SLC20A2: variants seen among roughly 807,000 people sequenced by gnomAD.
The protein encoded by SLC20A2 is solute carrier family 20 member 2.
SLC20A2 carries 30 observed loss-of-function variants against 61.0 expected under a neutral mutation model. The ratio of observed to expected loss-of-function variants is 0.49; its 90% CI spans 0.37 to 0.67. SLC20A2 has a LOEUF of 0.67. Ranked by LOEUF, SLC20A2 falls within the 30% of genes least tolerant of loss-of-function variation. SLC20A2 has a pLI of 0.00. For missense variants in SLC20A2, 626 were observed against 866.4 expected (o/e 0.72, Z 3.48); for synonymous variants, 351 against 353.3 (o/e 0.99, Z 0.07).
At chr8:42,504,871 A>AAAAG (rs1810556870), upstream of SLC20A2, among the ~76,000 whole-genome samples, 1 of 144,366 alleles carries the variant, frequency 6.9e-6, no homozygotes, top group Non-Finnish European at 1.5e-5. Context: ...AAAAAAAAAA[A>AAAAG]AAAAAAAAAA....
intron 10 of SLC20A2, among the ~76,000 whole-genome samples, chr8:42,426,723 CAAAA>C (rs1312074066): frequency 6.6e-6 from 1 of 151,276 alleles, no homozygotes; most frequent in Non-Finnish European, 1.5e-5. Context: ...CAAAACAAAA[CAAAA>C]AAAAGCTATT....
chr8:42,488,580 T>G (rs1809239425), intron 1 of SLC20A2, among the ~76,000 whole-genome samples: 1 of 152,244 alleles, frequency 6.6e-6, no homozygotes, highest in African/African-American at 2.4e-5. Flanking sequence ...AATTGCTGGA[T>G]GTGGTCATTC....
chr8:42,529,821 G>C (rs896370871), intron 1 of SLC20A2, among the ~76,000 whole-genome samples: 2 of 151,960 alleles, frequency 1.3e-5, no homozygotes, highest in African/African-American at 4.8e-5. Flanking sequence ...CCTGTCTATG[G>C]GAATGCAGTT....
chr8:42,533,969 T>TC (rs1812543413), intron 1 of SLC20A2, among the ~76,000 whole-genome samples: 1 of 107,828 alleles, frequency 9.3e-6, no homozygotes, highest in Non-Finnish European at 1.9e-5. Flanking sequence ...CTCCCTCTCT[T>TC]TGTGCTTACT....
intron 1 of SLC20A2, among the ~76,000 whole-genome samples, chr8:42,479,252 ATGGGGAACCACAGAC>A (rs1808384612): frequency 6.6e-6 from 1 of 152,336 alleles, no homozygotes; most frequent in South Asian, 2.1e-4. Context: ...AATCATTCCC[ATGGGGAACCACAGAC>A]TGAACATCCT....
At chr8:42,491,684 T>G (rs940977527) in intron 1 of SLC20A2, among the ~76,000 whole-genome samples, 1 of 151,050 alleles carries the variant, frequency 6.6e-6, no homozygotes, top group African/African-American at 2.4e-5. Flanking sequence ...AAAAAAAAAG[T>G]CACTCTATTT....
At chr8:42,516,111 C>T (rs548309385) in intron 1 of SLC20A2, among the ~76,000 whole-genome samples, 3 of 152,286 alleles carry the variant, frequency 2.0e-5, no homozygotes, top group African/African-American at 7.2e-5. Flanking sequence ...TGATTCTTCT[C>T]CTCTCTAAAG....
At chr8:42,447,373 T>TA (rs969806255) in intron 5 of SLC20A2, among the ~76,000 whole-genome samples, 3 of 148,858 alleles carry the variant, frequency 2.0e-5, no homozygotes, top group East Asian at 2.0e-4. Context: ...TAACATACTA[T>TA]AAAAAAAATT....
intron 1 of SLC20A2, among the ~76,000 whole-genome samples, chr8:42,538,623 G>A (rs1481850828): frequency 6.6e-6 from 1 of 152,144 alleles, no homozygotes; most frequent in African/African-American, 2.4e-5. Flanking sequence ...TCTGTTCTAG[G>A]CCCCAGAAAA....
At chr8:42,478,724 GT>G (rs1309657539) in intron 1 of SLC20A2, among the ~76,000 whole-genome samples, 1 of 152,046 alleles carries the variant, frequency 6.6e-6, no homozygotes, top group Non-Finnish European at 1.5e-5. Flanking sequence ...TATTTATTGA[GT>G]TATATACAGT....
At chr8:42,462,930 T>C in intron 4 of SLC20A2, 75 bp downstream of exon 4, 1 of 799,614 alleles carries the variant, frequency 1.3e-6, no homozygotes, top group Non-Finnish European at 2.0e-6. Context: ...CTCTAACCCC[T>C]CTCATTATTA....
intron 1 of SLC20A2, among the ~76,000 whole-genome samples, chr8:42,492,496 G>A (rs1809596811): frequency 1.3e-5 from 2 of 152,124 alleles, no homozygotes; most frequent in East Asian, 1.9e-4. Flanking sequence ...AAGAAAGGAA[G>A]GCGAGCATAA....
intron 1 of SLC20A2, chr8:42,484,846 G>T: frequency 2.9e-6 from 1 of 340,130 alleles, no homozygotes. Flanking sequence ...AGCCAGCTGG[G>T]TGTTCTGCTT....
chr8:42,487,003 A>C (rs1323959868), intron 1 of SLC20A2, among the ~76,000 whole-genome samples: 1 of 151,718 alleles, frequency 6.6e-6, no homozygotes, highest in Non-Finnish European at 1.5e-5. Context: ...GGTAGCTGGG[A>C]TTACAGACAT....
chr8:42,507,495 A>T (rs1284051066), intron 1 of SLC20A2, among the ~76,000 whole-genome samples: 2 of 152,258 alleles, frequency 1.3e-5, no homozygotes, highest in Non-Finnish European at 2.9e-5. Context: ...TAAAGGCAGC[A>T]TTATGACTGC....
intron 5 of SLC20A2, among the ~76,000 whole-genome samples, chr8:42,445,569 T>C (rs928529326): frequency 6.6e-6 from 1 of 151,584 alleles, no homozygotes; most frequent in Non-Finnish European, 1.5e-5. Flanking sequence ...CTACTAAAAA[T>C]ACAAAAACTT....
In SLC20A2 at chr8:42,469,842, C is replaced by T. The variant is rs189008001; in HGVS notation, c.289+2260G>A. Among the ~76,000 whole-genome samples the T allele has an allele frequency of 5.8e-3, 882 of 151,592 alleles. 8 individuals carry two copies. Among genetic ancestry groups the T allele is most frequent in the African/African-American group, 0.02 (836 of 41,304 alleles). The stretch of plus-strand genomic sequence containing the variant: ...ACTTAGGAGGCTGAGGCAGGAGAAT[C>T]GCTTGAACCCAGGAGGCAGAGGTTG... On this transcript the variant is annotated intron_variant, in intron 2 of 10. Coordinates refer to ENST00000520262, the MANE Select transcript of SLC20A2 (RefSeq NM_001257180.2).
chr8:42,424,767 C>T (rs776448685), intron 10 of SLC20A2, among the ~76,000 whole-genome samples: 3 of 152,136 alleles, frequency 2.0e-5, no homozygotes, highest in African/African-American at 7.2e-5. Flanking sequence ...GCACTTAGGC[C>T]GGGCGCACTG....
Position 42,472,355 on chromosome 8 carries a change from C to A in SLC20A2, c.36G>T (p.Leu12Phe). The A allele has an allele frequency of 6.2e-7, 1 of 1,614,074 alleles. No homozygotes were observed. Among genetic ancestry groups the A allele is most frequent in the South Asian group, 1.1e-5 (1 of 91,068 alleles). Residue 12 changes from leucine to phenylalanine, a missense_variant, in exon 2 of 11, where the codon TTG becomes TTT. By Grantham distance (22) the Leu-to-Phe change is conservative. Around this residue, in one of 3 missense-constraint regions of SLC20A2, gnomAD observed 127 missense variants for 215.4 expected, o/e 0.59. Transcript: ENST00000520262. This position sits in a 1 kb window ranked among gnomAD's most constrained non-coding sequence, Gnocchi z 4.1. ...CCAAGATGAAAGCTATGATGAAACCCAAAATGACCATCCACAAATACTCAT... is the reference window on the plus strand; with the variant it reads ...CCAAGATGAAAGCTATGATGAAACCAAAAATGACCATCCACAAATACTCAT... ...AMDEYLWMVI[L>F]GFIIAFILAF...
Sources: gnomAD v4.1 joint callset for allele counts (sites outside exome capture counted in the v4.1 genomes callset) on GRCh38, gnomAD v4.1.1 for gene constraint, gnomAD v4.1.1 regional missense constraint, Gnocchi (gnomAD v3.1) non-coding constraint, MANE v1.5 for transcripts, NCBI Gene and HGNC (gene_info 2026-07-23, HGNC 2026-07-21) for gene names.